Variants in FMN1 observed in about 807,000 individuals in gnomAD.
The protein encoded by FMN1 is formin-1.
In FMN1, 110 loss-of-function variants were observed where a neutral mutation model predicts 132.4. The ratio of observed to expected loss-of-function variants is 0.83; its 90% CI spans 0.71 to 0.97. FMN1 has a LOEUF of 0.97. Among genes scored for constraint, FMN1 ranks in the 50% least tolerant of loss-of-function variants. The pLI is 0.00. For missense variants in FMN1, 1,792 were observed against 1,705.3 expected (o/e 1.05, Z -0.90); for synonymous variants, 722 against 651.7 (o/e 1.11, Z -1.64).
intron 17 of FMN1, among the ~76,000 whole-genome samples, chr15:32,853,264 C>T: frequency 6.6e-6 from 1 of 152,164 alleles, no homozygotes. Flanking sequence ...AAGTGTTGGG[C>T]ATTCTTCCTC....
At chr15:33,055,609 C>CAAA (rs61239065) in intron 6 of FMN1, among the ~76,000 whole-genome samples, 2,103 of 148,756 alleles carry the variant, frequency 0.014, 18 homozygotes, top group Admixed American at 0.027. Context: ...AACTCATAGA[C>CAAA]AAAAAAAAAC....
chr15:32,857,312 AC>A (rs2059156816), intron 16 of FMN1, among the ~76,000 whole-genome samples: 1 of 152,130 alleles, frequency 6.6e-6, no homozygotes, highest in Admixed American at 6.6e-5. Context: ...TTCATTCTAC[AC>A]CACTCTTGAG....
At chr15:32,992,284 C>T (rs931341480) in intron 7 of FMN1, among the ~76,000 whole-genome samples, 5 of 152,042 alleles carry the variant, frequency 3.3e-5, no homozygotes, top group African/African-American at 7.2e-5. Flanking sequence ...TCCATCAAAA[C>T]GGGAATCAAT....
At chr15:33,158,407 A>G (rs985822877) in intron 3 of FMN1, among the ~76,000 whole-genome samples, 8 of 152,124 alleles carry the variant, frequency 5.3e-5, no homozygotes, top group African/African-American at 1.9e-4. Flanking sequence ...CAATAAAGCC[A>G]CAATGCAAGG....
intron 5 of FMN1, chr15:33,066,444 G>A (rs892314731): frequency 1.4e-5 from 19 of 1,312,020 alleles, no homozygotes; most frequent in Non-Finnish European, 2.0e-5. Context: ...CACTTTGGGA[G>A]GAAACCTGGA....
intron 17 of FMN1, among the ~76,000 whole-genome samples, chr15:32,855,805 T>G (rs1054596176): frequency 6.6e-6 from 1 of 152,184 alleles, no homozygotes; most frequent in African/African-American, 2.4e-5. Flanking sequence ...TCAGGCTACT[T>G]AGGTTATATT....
intron 6 of FMN1, among the ~76,000 whole-genome samples, chr15:33,055,767 GA>G (rs1166707793): frequency 6.6e-6 from 1 of 152,094 alleles, no homozygotes; most frequent in Non-Finnish European, 1.5e-5. Flanking sequence ...AATAAAACCA[GA>G]TTCATTAGAG....
chr15:32,959,043 CAAAA>C (rs36081835), intron 9 of FMN1, among the ~76,000 whole-genome samples: 16 of 84,324 alleles, frequency 1.9e-4, no homozygotes, highest in Non-Finnish European at 1.6e-4. Context: ...AACACTGTCT[CAAAA>C]AAAAAAAAAA....
At chr15:33,150,060 A>T in intron 4 of FMN1, 1 of 985,430 alleles carries the variant, frequency 1.0e-6, no homozygotes, top group Non-Finnish European at 1.2e-6. Flanking sequence ...TTCCATCACC[A>T]CATCAGTGAC....
At chr15:33,004,392 C>T (rs1454050193) in intron 7 of FMN1, among the ~76,000 whole-genome samples, 1 of 152,188 alleles carries the variant, frequency 6.6e-6, no homozygotes, top group Non-Finnish European at 1.5e-5. Flanking sequence ...TATGAACAGA[C>T]ACTTCTCAAA....
intron 9 of FMN1, among the ~76,000 whole-genome samples, chr15:32,955,702 G>C (rs749522441): frequency 2.0e-5 from 3 of 152,126 alleles, no homozygotes; most frequent in African/African-American, 7.2e-5. Context: ...AGCATATCCT[G>C]TACTTTTTTG....
chr15:32,899,837 C>T (rs1229073963), intron 14 of FMN1, 142 bp downstream of exon 14: 2 of 777,678 alleles, frequency 2.6e-6, no homozygotes, highest in Admixed American at 5.5e-5. Context: ...AGAAAGCAAA[C>T]AAAAAAATGC....
intron 3 of FMN1, among the ~76,000 whole-genome samples, chr15:33,175,239 GTTC>G (rs1965476284): frequency 6.6e-6 from 1 of 152,008 alleles, no homozygotes; most frequent in African/African-American, 2.4e-5. Context: ...GTTTGTTTTT[GTTC>G]TTGTTTTTTA....
At chr15:32,844,688 T>A (rs1567258917) in intron 17 of FMN1, among the ~76,000 whole-genome samples, 1 of 152,236 alleles carries the variant, frequency 6.6e-6, no homozygotes, top group Non-Finnish European at 1.5e-5. Flanking sequence ...CACATAACTT[T>A]CCTTCTAAAA....
chr15:33,183,923 G>A (rs1361628566), intron 2 of FMN1, among the ~76,000 whole-genome samples: 1 of 152,060 alleles, frequency 6.6e-6, no homozygotes, highest in Admixed American at 6.5e-5. Context: ...TATAAAAACA[G>A]CAATATAATC....
In FMN1 at chr15:32,769,609, A is replaced by T. The variant is rs1217102556; in HGVS notation, c.*4701T>A. The T allele has an allele frequency of 6.6e-6, 1 of 152,210 alleles. No homozygotes were observed. The highest frequency in any genetic ancestry group is 6.5e-5 in the Admixed American group (1 of 15,282). The allele number at this position is 152,210 out of a possible 1,614,324, so 9.4% of individuals were successfully genotyped here. A position where few individuals can be genotyped will look rare whatever the true frequency, so the allele number is the denominator to read the frequency against. ...TTTAAGCCACTTCTATACTAATAACAGTTTCCAGGCAGCTGGATTGTTTCT... is the reference window on the plus strand; with the variant it reads ...TTTAAGCCACTTCTATACTAATAACTGTTTCCAGGCAGCTGGATTGTTTCT... On this transcript the variant is annotated 3_prime_UTR_variant, in exon 21 of 21. Coordinates refer to ENST00000616417, the MANE Select transcript of FMN1 (RefSeq NM_001277313.2).
At chr15:33,024,607 C>T (rs908461431) in intron 6 of FMN1, among the ~76,000 whole-genome samples, 1 of 152,062 alleles carries the variant, frequency 6.6e-6, no homozygotes, top group Non-Finnish European at 1.5e-5. Flanking sequence ...CATTAGAATT[C>T]CACACATTGT....
At chr15:32,780,114 A>G (rs2056617586) in intron 19 of FMN1, among the ~76,000 whole-genome samples, 1 of 152,204 alleles carries the variant, frequency 6.6e-6, no homozygotes, top group South Asian at 2.1e-4. Flanking sequence ...TGCATGCTAC[A>G]TAGGATCAAT....
At chr15:32,959,710 C>G (rs1176363974) in intron 9 of FMN1, among the ~76,000 whole-genome samples, 1 of 152,130 alleles carries the variant, frequency 6.6e-6, no homozygotes, top group East Asian at 1.9e-4. Flanking sequence ...CCTTAAACTC[C>G]TTTGTTGAAC....
Sources: gnomAD v4.1 joint callset for allele counts (sites outside exome capture counted in the v4.1 genomes callset) on GRCh38, gnomAD v4.1.1 for gene constraint, MANE v1.5 for transcripts, NCBI Gene and HGNC (gene_info 2026-07-23, HGNC 2026-07-21) for gene names.